The following EYS variants were observed in gnomAD, a reference collection of about 807,000 sequenced individuals.
The protein encoded by EYS is EGF-like photoreceptor maintenance factor, also known as protein eyes shut homolog.
EYS carries 250 observed loss-of-function variants against 282.1 expected under a neutral mutation model. The ratio of observed to expected loss-of-function variants is 0.89; its 90% CI spans 0.80 to 0.98. The LOEUF is 0.98. EYS is among the 50% of genes least tolerant of loss of function. The pLI is 0.00. For missense variants in EYS, 4,016 were observed against 3,709.0 expected (o/e 1.08, Z -2.15); for synonymous variants, 1,355 against 1,282.9 (o/e 1.06, Z -1.20).
At chr6:64,382,016 AT>A (rs1481517994) in intron 29 of EYS, among the ~76,000 whole-genome samples, 1 of 151,936 alleles carries the variant, frequency 6.6e-6, no homozygotes, top group Non-Finnish European at 1.5e-5. Flanking sequence ...CCCTTATTCT[AT>A]TTTGTTTTTT....
At chr6:64,906,018 A>C (rs532852288) in intron 16 of EYS, among the ~76,000 whole-genome samples, 4 of 151,698 alleles carry the variant, frequency 2.6e-5, no homozygotes, top group South Asian at 4.2e-4. Context: ...TAAATAATCT[A>C]ATTTCTCTGG....
chr6:64,988,695 T>C (rs1317578999), intron 14 of EYS, among the ~76,000 whole-genome samples: 1 of 151,642 alleles, frequency 6.6e-6, no homozygotes, highest in Non-Finnish European at 1.5e-5. Context: ...TTGACATTAG[T>C]GGTTAAAGTA....
At chr6:64,071,399 G>C (rs1771569809) in intron 32 of EYS, among the ~76,000 whole-genome samples, 1 of 151,744 alleles carries the variant, frequency 6.6e-6, no homozygotes. Context: ...ACCCCATGGG[G>C]AGACTATTTT....
intron 1 of EYS, among the ~76,000 whole-genome samples, chr6:65,642,555 C>T (rs1318538429): frequency 6.6e-6 from 1 of 151,916 alleles, no homozygotes; most frequent in Non-Finnish European, 1.5e-5. Context: ...TCACCTTTGT[C>T]CCAAAGGTGT....
At chr6:64,795,784 A>G (rs181358069) in intron 22 of EYS, among the ~76,000 whole-genome samples, 3 of 152,282 alleles carry the variant, frequency 2.0e-5, no homozygotes, top group Non-Finnish European at 4.4e-5. Flanking sequence ...AGAATTTTAG[A>G]TTAGATTCAA....
chr6:63,861,878 T>C (rs1365559514), intron 36 of EYS, among the ~76,000 whole-genome samples: 1 of 152,184 alleles, frequency 6.6e-6, no homozygotes, highest in Non-Finnish European at 1.5e-5. Flanking sequence ...AGCCTCCGGA[T>C]CAGTGAGAAA....
At chr6:63,982,534 CAG>C (rs1415956125) in intron 35 of EYS, among the ~76,000 whole-genome samples, 2 of 151,852 alleles carry the variant, frequency 1.3e-5, no homozygotes, top group African/African-American at 4.8e-5. Flanking sequence ...GAGGCTGCCT[CAG>C]TGTCTTTTCA....
chr6:64,640,139 A>T (rs1768077869), intron 22 of EYS, among the ~76,000 whole-genome samples: 1 of 148,138 alleles, frequency 6.8e-6, no homozygotes, highest in Non-Finnish European at 1.5e-5. Context: ...AACTAGTTCA[A>T]CCATTGTGGA....
chr6:63,964,676 G>T (rs140068516), intron 35 of EYS, among the ~76,000 whole-genome samples: 1 of 152,308 alleles, frequency 6.6e-6, no homozygotes, highest in East Asian at 1.9e-4. Context: ...AGCAGCATAA[G>T]TCACAGTATA....
chr6:65,175,758 G>A (rs2150229988), intron 12 of EYS, among the ~76,000 whole-genome samples: 1 of 151,480 alleles, frequency 6.6e-6, no homozygotes, highest in African/African-American at 2.4e-5. Context: ...TGAGTCAAAA[G>A]TTTTGTGTGA....
intron 12 of EYS, among the ~76,000 whole-genome samples, chr6:65,294,657 G>C (rs1352392840): frequency 6.6e-6 from 1 of 151,742 alleles, no homozygotes; most frequent in East Asian, 1.9e-4. Flanking sequence ...CATGCAAAAG[G>C]ATTATGGCAA....
intron 31 of EYS, among the ~76,000 whole-genome samples, chr6:64,092,609 T>C (rs1255553918): frequency 6.6e-6 from 1 of 152,236 alleles, no homozygotes; most frequent in Non-Finnish European, 1.5e-5. Context: ...CTTTGTTTTT[T>C]TTCTTGTAAA....
intron 29 of EYS, among the ~76,000 whole-genome samples, chr6:64,344,664 C>G (rs1349657271): frequency 2.0e-5 from 3 of 152,180 alleles, no homozygotes; most frequent in Non-Finnish European, 4.4e-5. Flanking sequence ...TCTCTCACCA[C>G]TCCTATTCAA....
At chr6:65,470,992 C>G (rs1282671517) in intron 5 of EYS, among the ~76,000 whole-genome samples, 1 of 151,924 alleles carries the variant, frequency 6.6e-6, no homozygotes, top group African/African-American at 2.4e-5. Context: ...CAAAAATTAG[C>G]TGGGCATGGT....
At chr6:63,978,546 TAGA>T (rs1252321859) in intron 35 of EYS, among the ~76,000 whole-genome samples, 12 of 151,950 alleles carry the variant, frequency 7.9e-5, no homozygotes, top group Admixed American at 1.3e-4. Context: ...CTGTGGTATT[TAGA>T]AGAATAGGGT....
At chr6:64,913,268 T>A (rs1768057992) in intron 15 of EYS, among the ~76,000 whole-genome samples, 1 of 152,092 alleles carries the variant, frequency 6.6e-6, no homozygotes, top group Non-Finnish European at 1.5e-5. Context: ...TTTTTAAAAA[T>A]TTTAGATTCA....
At chr6:65,676,830 T>C (rs1287263866) in intron 1 of EYS, among the ~76,000 whole-genome samples, 1 of 151,656 alleles carries the variant, frequency 6.6e-6, no homozygotes, top group Non-Finnish European at 1.5e-5. Context: ...CCAAATTCAG[T>C]AGTATCTTAA....
At chr6:64,308,606 C>A (rs908451495) in intron 29 of EYS, among the ~76,000 whole-genome samples, 1 of 151,930 alleles carries the variant, frequency 6.6e-6, no homozygotes, top group Non-Finnish European at 1.5e-5. Flanking sequence ...AAATTATACA[C>A]TATTTGCATC....
At chr6:64,547,388 A>G (rs1393234906) in intron 26 of EYS, among the ~76,000 whole-genome samples, 1 of 152,086 alleles carries the variant, frequency 6.6e-6, no homozygotes, top group African/African-American at 2.4e-5. Context: ...TGCGTTTGCA[A>G]TCCCTGAGCT....
Sources: allele counts gnomAD v4.1 joint callset (sites outside exome capture counted in the v4.1 genomes callset), GRCh38; gene constraint gnomAD v4.1.1; transcripts MANE v1.5; gene names NCBI Gene and HGNC (gene_info 2026-07-23, HGNC 2026-07-21).